The following CTNNA2 variants were observed in gnomAD, a reference collection of about 807,000 sequenced individuals.
The protein encoded by CTNNA2 is catenin alpha 2.
In CTNNA2, 42 loss-of-function variants were observed where a neutral mutation model predicts 101.0. That is an observed-to-expected ratio of 0.42 (90% CI 0.32 to 0.54). The LOEUF (loss-of-function observed/expected upper bound fraction) is 0.54. CTNNA2 is among the 20% of genes least tolerant of loss of function. The pLI, the probability that CTNNA2 is intolerant of heterozygous loss-of-function variation, is 0.14. For synonymous variants in CTNNA2, 450 were observed against 456.4 expected, an observed-to-expected ratio of 0.99 and a Z score of 0.18; for missense variants, 871 against 1,223.1, an observed-to-expected ratio of 0.71 and a Z score of 4.29.
At chr2:80,062,770 A>G (rs1271083708) in intron 7 of CTNNA2, among the ~76,000 whole-genome samples, 1 of 137,106 alleles carries the variant, frequency 7.3e-6, no homozygotes, top group African/African-American at 2.8e-5. Context: ...CAGTGGCACT[A>G]TCTCAGCTCA....
chr2:80,443,290 T>A (rs1315348900), intron 9 of CTNNA2, among the ~76,000 whole-genome samples: 1 of 152,200 alleles, frequency 6.6e-6, no homozygotes, highest in Non-Finnish European at 1.5e-5. Context: ...GAACAAGGTG[T>A]GATTTTCAAC....
intron 3 of CTNNA2, among the ~76,000 whole-genome samples, chr2:79,845,552 A>AT (rs1169823566): frequency 1.3e-5 from 2 of 151,902 alleles, no homozygotes; most frequent in Non-Finnish European, 2.9e-5. Context: ...CTGTCGGAAC[A>AT]TTTTTTTCCC....
intron 12 of CTNNA2, among the ~76,000 whole-genome samples, chr2:80,564,242 A>T (rs1693855596): frequency 6.6e-6 from 1 of 152,236 alleles, no homozygotes; most frequent in African/African-American, 2.4e-5. Flanking sequence ...TGTATTTATT[A>T]AGCTAGGTTT....
Position 80,387,629 on chromosome 2 carries a change from A to G in CTNNA2, c.1057-5582A>G, listed in dbSNP as rs561422863. Among the ~76,000 whole-genome samples the G allele has an allele frequency of 1.6e-4, 24 of 152,324 alleles. No homozygotes were observed. In the South Asian group the frequency reaches 5.0e-3, roughly 32 times the overall value. ...TTTCTGTTAATGGCTTAATCCTTCT[A>G]TTTAAGGACAAACGAAATATAAAGG... On this transcript the variant is annotated intron_variant, in intron 7 of 18. Transcript: ENST00000402739.
At chr2:79,423,998 C>T (rs765253615) in intron 4 of CTNNA2, among the ~76,000 whole-genome samples, 16 of 152,004 alleles carry the variant, frequency 1.1e-4, no homozygotes, top group Non-Finnish European at 2.1e-4. Flanking sequence ...TCTTTTAATG[C>T]TCTCCACTGC....
At chr2:80,399,899 T>A (rs1228377319) in intron 8 of CTNNA2, among the ~76,000 whole-genome samples, 1 of 152,202 alleles carries the variant, frequency 6.6e-6, no homozygotes, top group Admixed American at 6.5e-5. Context: ...ACAAAGATTG[T>A]TTCATAGAAT....
intron 18 of CTNNA2, among the ~76,000 whole-genome samples, chr2:80,626,977 T>G (rs1290339116): frequency 6.6e-6 from 1 of 152,104 alleles, no homozygotes; most frequent in East Asian, 1.9e-4. Flanking sequence ...GGTTTTCTGT[T>G]CTTGTGTTAG....
At chr2:79,485,453 C>G (rs1331662659) in intron 4 of CTNNA2, among the ~76,000 whole-genome samples, 2 of 152,178 alleles carry the variant, frequency 1.3e-5, no homozygotes, top group East Asian at 3.8e-4. Context: ...TATTTTGGGA[C>G]AATCATAAGA....
At chr2:79,602,948 G>A (rs550831930) in intron 1 of CTNNA2, among the ~76,000 whole-genome samples, 67 of 152,228 alleles carry the variant, frequency 4.4e-4, no homozygotes, top group African/African-American at 1.5e-3. Context: ...ATAGACTGTG[G>A]TAAGACGAAT....
chr2:80,383,125 T>C (rs1025045330), intron 7 of CTNNA2, among the ~76,000 whole-genome samples: 1 of 152,116 alleles, frequency 6.6e-6, no homozygotes, highest in Non-Finnish European at 1.5e-5. Flanking sequence ...CTATGAAAAA[T>C]GTCTTTTATG....
intron 1 of CTNNA2, among the ~76,000 whole-genome samples, chr2:79,631,132 C>A (rs1480184579): frequency 6.6e-6 from 1 of 151,848 alleles, no homozygotes; most frequent in Non-Finnish European, 1.5e-5. Context: ...CTCAGCATTT[C>A]CTCTAAGCAC....
intron 7 of CTNNA2, among the ~76,000 whole-genome samples, chr2:80,180,397 G>T (rs894548561): frequency 3.3e-5 from 5 of 152,178 alleles, no homozygotes; most frequent in Admixed American, 3.3e-4. Flanking sequence ...GTCAATTTCA[G>T]TTCTAGGAAC....
At chr2:80,532,522 T>C (rs1220813813) in intron 9 of CTNNA2, among the ~76,000 whole-genome samples, 1 of 152,220 alleles carries the variant, frequency 6.6e-6, no homozygotes, top group Non-Finnish European at 1.5e-5. Context: ...AGAGTAATAA[T>C]GCTGGGATAT....
intron 7 of CTNNA2, among the ~76,000 whole-genome samples, chr2:80,295,814 A>G (rs2032896973): frequency 6.6e-6 from 1 of 152,224 alleles, no homozygotes; most frequent in South Asian, 2.1e-4. Context: ...CAGAAATGTT[A>G]TGATTAACCA....
At chr2:80,031,762 C>T (rs529986149) in intron 7 of CTNNA2, among the ~76,000 whole-genome samples, 1 of 152,226 alleles carries the variant, frequency 6.6e-6, no homozygotes, top group Admixed American at 6.5e-5. Context: ...ACATGCATAG[C>T]CATGGACATA....
chr2:79,602,725 C>CTGTAAACCTCTGAATAG (rs1465822368), intron 1 of CTNNA2, among the ~76,000 whole-genome samples: 1 of 152,078 alleles, frequency 6.6e-6, no homozygotes, highest in Non-Finnish European at 1.5e-5. Flanking sequence ...GAATCAAAGA[C>CTGTAAACCTCTGAATAG]TGTAAACCTC....
chr2:80,281,778 A>G (rs993207067), intron 7 of CTNNA2, among the ~76,000 whole-genome samples: 2 of 152,084 alleles, frequency 1.3e-5, no homozygotes, highest in Non-Finnish European at 2.9e-5. Context: ...TAATACTAAT[A>G]AGTGAATACA....
intron 7 of CTNNA2, among the ~76,000 whole-genome samples, chr2:79,954,436 A>T (rs1032778491): frequency 1.3e-5 from 2 of 151,764 alleles, no homozygotes; most frequent in African/African-American, 4.8e-5. Context: ...CTCTTGTTTC[A>T]CTCCTTGTCT....
chr2:80,424,742 A>G (rs542437909), intron 9 of CTNNA2, among the ~76,000 whole-genome samples: 1 of 152,190 alleles, frequency 6.6e-6, no homozygotes, highest in East Asian at 1.9e-4. Context: ...ACAAACCCCA[A>G]TTTTTGTTTT....
Sources: allele counts gnomAD v4.1 joint callset (sites outside exome capture counted in the v4.1 genomes callset), GRCh38; gene constraint gnomAD v4.1.1; transcripts MANE v1.5; gene names NCBI Gene and HGNC (gene_info 2026-07-23, HGNC 2026-07-21).